Variants in MON2 observed in about 807,000 individuals in gnomAD.
MON2 encodes the protein MON2 regulator of endosome-to-Golgi trafficking.
MON2 carries 84 observed loss-of-function variants against 208.6 expected under a neutral mutation model. The ratio of observed to expected loss-of-function variants is 0.40; its 90% CI spans 0.34 to 0.48. MON2 has a LOEUF of 0.48. MON2 is among the 20% of genes least tolerant of loss of function. The pLI, the probability that MON2 is intolerant of heterozygous loss-of-function variation, is 0.59. For synonymous variants in MON2, 660 were observed against 694.0 expected (o/e 0.95, Z 0.77); for missense variants, 1,611 against 2,015.4 (o/e 0.80, Z 3.84).
At chr12:62,557,629 T>A in intron 25 of MON2, among the ~76,000 whole-genome samples, 1 of 152,182 alleles carries the variant, frequency 6.6e-6, no homozygotes. Flanking sequence ...GTGTTTGGCA[T>A]TTTTTAAACT....
At chr12:62,476,017 G>T (rs1328376515) in intron 1 of MON2, among the ~76,000 whole-genome samples, 1 of 117,350 alleles carries the variant, frequency 8.5e-6, no homozygotes, top group African/African-American at 2.6e-5. Context: ...GTCTCAAAAA[G>T]AAAAGAAAAG....
rs554121438 is a variant in MON2 at position 62,553,284 on chromosome 12, G to A, written c.3210+110G>A. 2.8e-5 allele frequency: 30 copies of A among 1,068,428 alleles called. No individual in the cohort carries two copies. The African/African-American group carries it at 3.6e-4, about 13-fold the overall frequency. The allele number at this position is 1,068,428 out of a possible 1,614,324, so 66.2% of individuals were successfully genotyped here. ...ATTTTTAAAGAATTTCCATGCATTT[G>A]TGTATTTGACAAAACAGGAAATAAC... On this transcript the variant is annotated intron_variant, in intron 24 of 34. Transcript: ENST00000393630.
chr12:62,560,725 T>C lies in MON2; in HGVS notation c.3644T>C (p.Ile1215Thr), dbSNP rs144223000. 292 of 1,614,108 alleles carry C rather than the reference T, an allele frequency of 1.8e-4. No individual in the cohort carries two copies. In the African/African-American group the frequency reaches 2.0e-3, roughly 11 times the overall value. Residue 1215 changes from isoleucine to threonine, a missense_variant, in exon 26 of 35, where the codon ATT (isoleucine) becomes ACT (threonine). Ile to Thr is a moderately conservative substitution (Grantham distance 89). Transcript: ENST00000393630. Reference protein sequence around the residue: ...MSRPFVRTDSIGEKLGRYSSS... With the variant: ...MSRPFVRTDSTGEKLGRYSSS... ...AGGCCATTTGTAAGAACAGATTCCATTGGAGAAAAACTAGGAAGATATAGT... is the reference window on the plus strand; with the variant it reads ...AGGCCATTTGTAAGAACAGATTCCACTGGAGAAAAACTAGGAAGATATAGT...
At chr12:62,472,268 G>A (rs1441603671) in intron 1 of MON2, among the ~76,000 whole-genome samples, 3 of 152,184 alleles carry the variant, frequency 2.0e-5, no homozygotes, top group Admixed American at 2.0e-4. Context: ...AAGGATAGGA[G>A]TTGGGACAAT....
intron 1 of MON2, among the ~76,000 whole-genome samples, chr12:62,475,104 C>T (rs759059527): frequency 6.0e-4 from 91 of 152,156 alleles, no homozygotes; most frequent in Non-Finnish European, 1.1e-3. Context: ...TTTTCCTAAC[C>T]TTCCTTTTTA....
rs376277172 is a variant in MON2, at chr12:62,560,892, C to G, written c.3811C>G (p.Pro1271Ala). The change falls in exon 26 of 35, where the codon CCT becomes GCT. Residue 1271 changes from proline to alanine, a missense_variant. Physicochemically the swap from Pro to Ala is conservative, Grantham distance 27. Coordinates refer to ENST00000393630, the MANE Select transcript of MON2 (RefSeq NM_015026.3). Reference sequence around the variant, plus strand: ...TAAACTAACTTTTATTCCTAGCCAGCCTTTTCTTACAGCTTTAATTCAGAT... The same window carrying G: ...TAAACTAACTTTTATTCCTAGCCAGGCTTTTCTTACAGCTTTAATTCAGAT... ...FDKLTFIPSQ[P>A]FLTALIQIFP... 6.2e-7 allele frequency: 1 copy of G among 1,613,994 alleles called. No individual in the cohort carries two copies.
chr12:62,543,727 C>T (rs917276695), intron 20 of MON2, among the ~76,000 whole-genome samples: 1 of 152,154 alleles, frequency 6.6e-6, no homozygotes, highest in African/African-American at 2.4e-5. Flanking sequence ...CCTGCCTCAG[C>T]CTCCCGAGTA....
At chr12:62,585,951 A>G (rs1259857673) in intron 33 of MON2, among the ~76,000 whole-genome samples, 1 of 152,136 alleles carries the variant, frequency 6.6e-6, no homozygotes, top group African/African-American at 2.4e-5. Flanking sequence ...GCCTGATCTT[A>G]GGTCTTCTTT....
chr12:62,540,869 G>A (rs2073200672), intron 19 of MON2, among the ~76,000 whole-genome samples: 2 of 152,114 alleles, frequency 1.3e-5, no homozygotes, highest in South Asian at 4.1e-4. Flanking sequence ...ATCTATAAAA[G>A]TTATTATAAA....
At chr12:62,574,716 A>C (rs1247725091) in intron 30 of MON2, among the ~76,000 whole-genome samples, 2 of 152,146 alleles carry the variant, frequency 1.3e-5, no homozygotes, top group Non-Finnish European at 2.9e-5. Flanking sequence ...TCCATGGAGT[A>C]GTTGATGAAC....
At chr12:62,557,455 T>G (rs572946877) in intron 25 of MON2, among the ~76,000 whole-genome samples, 1 of 152,324 alleles carries the variant, frequency 6.6e-6, no homozygotes, top group South Asian at 2.1e-4. Context: ...TAACAAAGAA[T>G]TATACAACCA....
At chr12:62,583,535 A>G (rs1005491085) in intron 32 of MON2, among the ~76,000 whole-genome samples, 2 of 152,192 alleles carry the variant, frequency 1.3e-5, no homozygotes, top group African/African-American at 4.8e-5. Context: ...AATAGTCAGT[A>G]TCAAAAACAG....
At chr12:62,567,633 C>T (rs1421440772) in intron 29 of MON2, among the ~76,000 whole-genome samples, 2 of 152,268 alleles carry the variant, frequency 1.3e-5, no homozygotes, top group African/African-American at 4.8e-5. Context: ...CTTTTCTCTC[C>T]TCACTGCTTA....
chr12:62,519,037 T>C (rs2071857891), intron 8 of MON2, among the ~76,000 whole-genome samples: 1 of 152,236 alleles, frequency 6.6e-6, no homozygotes, highest in Admixed American at 6.5e-5. Flanking sequence ...CTAGAAGACA[T>C]ACTAGAGGAA....
At chr12:62,512,726 C>T (rs1484882244) in intron 8 of MON2, among the ~76,000 whole-genome samples, 1 of 152,230 alleles carries the variant, frequency 6.6e-6, no homozygotes, top group East Asian at 1.9e-4. Flanking sequence ...AGTAGGGACT[C>T]TGTGTGGGGG....
At chr12:62,513,513 A>G (rs2071520615) in intron 8 of MON2, among the ~76,000 whole-genome samples, 1 of 152,010 alleles carries the variant, frequency 6.6e-6, no homozygotes. Context: ...GGCATGAGCC[A>G]CTGCGCCCGG....
chr12:62,524,773 G>A, intron 9 of MON2, 134 bp downstream of exon 9: 2 of 907,764 alleles, frequency 2.2e-6, no homozygotes, highest in Non-Finnish European at 3.3e-6. Context: ...TCTAAACAAA[G>A]AAAATAGGGT....
intron 29 of MON2, among the ~76,000 whole-genome samples, chr12:62,569,105 C>G (rs545425099): frequency 4.6e-5 from 7 of 152,288 alleles, no homozygotes; most frequent in Admixed American, 4.6e-4. Context: ...TGAGCACATA[C>G]TGTATACCAC....
At chr12:62,473,902 G>T (rs1165481366) in intron 1 of MON2, among the ~76,000 whole-genome samples, 1 of 151,810 alleles carries the variant, frequency 6.6e-6, no homozygotes, top group Non-Finnish European at 1.5e-5. Flanking sequence ...TGTCTCCCAG[G>T]TTCTCTCTTC....
Sources: gnomAD v4.1 joint callset for allele counts (sites outside exome capture counted in the v4.1 genomes callset) on GRCh38, gnomAD v4.1.1 for gene constraint, MANE v1.5 for transcripts, NCBI Gene and HGNC (gene_info 2026-07-23, HGNC 2026-07-21) for gene names.